The following BBS12 variants were observed in gnomAD, a reference collection of about 807,000 sequenced individuals.
BBS12 encodes chaperonin-containing T-complex member BBS12.
Under a neutral mutation model 5.6 loss-of-function variants are expected in BBS12, and 5 were observed. The ratio of observed to expected loss-of-function variants is 0.89; its 90% CI spans 0.46 to 1.86. The LOEUF (loss-of-function observed/expected upper bound fraction) is 1.86. Among genes scored for constraint, BBS12 ranks in the 40% most tolerant of loss-of-function variants. The pLI is 0.01. For synonymous variants in BBS12, 308 were observed against 306.8 expected (o/e 1.00, Z -0.04); for missense variants, 748 against 830.4 (o/e 0.90, Z 1.22).
chr4:122,716,680 T>TAC, the BBS12 span, among the ~76,000 whole-genome samples: 26 of 69,580 alleles, frequency 3.7e-4, no homozygotes, highest in Non-Finnish European at 4.2e-4. Flanking sequence ...TGTGTATATA[T>TAC]ACACATATGT....
At position 122,742,502 on chromosome 4, in the gene BBS12, A is replaced by G; in HGVS notation, c.610A>G (p.Thr204Ala). ...ATCATATGAATTATTTAAACCTCAG[A>G]CAAAGGTTGAAGCAGATAACAACAC... is the stretch of plus-strand genomic sequence containing the variant. ...LKSYELFKPQTKVEADNNTSR... is the reference protein window; with the variant it reads ...LKSYELFKPQAKVEADNNTSR... Residue 204 changes from threonine to alanine, a missense_variant, in exon 2 of 2, where the codon ACA (threonine) becomes GCA (alanine). Thr to Ala is a moderately conservative substitution (Grantham distance 58, BLOSUM62 0). Transcript: ENST00000314218. 1.9e-6 allele frequency: 3 copies of G among 1,614,106 alleles called. No homozygotes were observed. The highest frequency in any genetic ancestry group is 1.7e-6 in the Non-Finnish European group (2 of 1,179,982).
the BBS12 span, among the ~76,000 whole-genome samples, chr4:122,716,597 G>GTATATATACACATATGTATA: frequency 8.5e-6 from 1 of 117,974 alleles, no homozygotes; most frequent in African/African-American, 3.7e-5. Flanking sequence ...ACATATGTAT[G>GTATATATACACATATGTATA]TATACACACA....
chr4:122,705,875 T>A, the BBS12 span, among the ~76,000 whole-genome samples: 1 of 152,246 alleles, frequency 6.6e-6, no homozygotes, highest in African/African-American at 2.4e-5. Context: ...AATATTATAA[T>A]GTTTCCAGGC....
upstream of BBS12, chr4:122,732,164 T>C (rs1800705780): frequency 6.6e-6 from 1 of 152,280 alleles, no homozygotes; most frequent in South Asian, 2.1e-4. Flanking sequence ...TTTTCTTCCA[T>C]TGGTCTGAAC....
chr4:122,722,230 G>A, the BBS12 span, among the ~76,000 whole-genome samples: 70,044 of 151,958 alleles, frequency 0.46, 18,068 homozygotes, highest in African/African-American at 0.69. Flanking sequence ...ATCAAGTCAT[G>A]TAAGTATGGG....
the BBS12 span, among the ~76,000 whole-genome samples, chr4:122,714,801 C>CT: frequency 2.3e-4 from 35 of 152,074 alleles, no homozygotes; most frequent in African/African-American, 7.0e-4. Flanking sequence ...TAAAAGAATG[C>CT]TTATACATGC....
At chr4:122,707,054 C>CTCTTTTTTTTTTTTTTT in the BBS12 span, among the ~76,000 whole-genome samples, 1 of 72,250 alleles carries the variant, frequency 1.4e-5, no homozygotes, top group Non-Finnish European at 2.4e-5. Context: ...CTCTCTCTCT[C>CTCTTTTTTTTTTTTTTT]TTTTTTTTTT....
At chr4:122,721,281 A>T in the BBS12 span, among the ~76,000 whole-genome samples, 18 of 152,238 alleles carry the variant, frequency 1.2e-4, no homozygotes, top group Non-Finnish European at 2.4e-4. Flanking sequence ...AAAGACAAAA[A>T]ATAATAATTA....
At chr4:122,733,376 A>AAC (rs3034555) in intron 1 of BBS12, among the ~76,000 whole-genome samples, 8,044 of 87,906 alleles carry the variant, frequency 0.092, 572 homozygotes, top group Middle Eastern at 0.12. Flanking sequence ...CTCCAACCCC[A>AAC]ACACACACAC....
chr4:122,710,704 T>G, the BBS12 span, among the ~76,000 whole-genome samples: 6 of 128,452 alleles, frequency 4.7e-5, no homozygotes, highest in South Asian at 4.4e-4. Flanking sequence ...CATTTGTGCG[T>G]TTTTTTTTTT....
In BBS12 at chr4:122,743,197, C is replaced by T; in HGVS notation, c.1305C>T (p.Gly435=). 6.2e-7 allele frequency: 1 copy of T among 1,614,138 alleles called. No individual in the cohort carries two copies. Among genetic ancestry groups the T allele is most frequent in the Non-Finnish European group, 8.5e-7 (1 of 1,180,026 alleles). Reference sequence around the variant, plus strand: ...TAAACAGTAAGCGGTTGGTAATCGGCTCAGTGAATGGCAGTGTGATGCAGG... The same window carrying T: ...TAAACAGTAAGCGGTTGGTAATCGGTTCAGTGAATGGCAGTGTGATGCAGG... ...KCINSKRLVI[G]SVNGSVMQAF... is the part of the protein sequence containing the mutation. Residue 435 remains glycine (G), a synonymous_variant, in exon 2 of 2, where the codon GGC becomes GGT. Coordinates refer to ENST00000314218, the MANE Select transcript of BBS12 (RefSeq NM_152618.3).
the BBS12 span, among the ~76,000 whole-genome samples, chr4:122,725,927 A>T: frequency 2.7e-5 from 4 of 149,760 alleles, no homozygotes; most frequent in Non-Finnish European, 5.9e-5. Flanking sequence ...AAAAATCAAG[A>T]TGGATCAAGG....
At chr4:122,712,077 T>G in the BBS12 span, among the ~76,000 whole-genome samples, 1 of 152,210 alleles carries the variant, frequency 6.6e-6, no homozygotes, top group African/African-American at 2.4e-5. Context: ...ACCAGCAGTC[T>G]CCTAGGTGCT....
chr4:122,705,351 A>G, the BBS12 span, among the ~76,000 whole-genome samples: 2 of 152,206 alleles, frequency 1.3e-5, no homozygotes, highest in Non-Finnish European at 2.9e-5. Context: ...TCATGCGTGT[A>G]ATCCTAGCAC....
chr4:122,738,827 A>G (rs1800823935), intron 1 of BBS12, among the ~76,000 whole-genome samples: 1 of 152,258 alleles, frequency 6.6e-6, no homozygotes, highest in Non-Finnish European at 1.5e-5. Context: ...TAGGATATCT[A>G]TAATATTACA....
At chr4:122,736,696 T>C (rs1199110375) in intron 1 of BBS12, among the ~76,000 whole-genome samples, 2 of 152,186 alleles carry the variant, frequency 1.3e-5, no homozygotes, top group African/African-American at 4.8e-5. Flanking sequence ...GTCTGTGTAA[T>C]GCCAAGAAGA....
chr4:122,726,601 A>C, the BBS12 span, among the ~76,000 whole-genome samples: 1 of 152,190 alleles, frequency 6.6e-6, no homozygotes, highest in Non-Finnish European at 1.5e-5. Flanking sequence ...CATCATACAA[A>C]AAAGATACTT....
At position 122,742,953 on chromosome 4, in the gene BBS12, T is replaced by C; in HGVS notation, c.1061T>C (p.Val354Ala). ...PVIKELQNQP[V>A]RIVLIEGDLT... ...ATCAAGGAATTGCAGAATCAGCCTG[T>C]GCGAATAGTTCTCATTGAGGGTGAC... Residue 354 changes from valine to alanine, a missense_variant, in exon 2 of 2, where the codon GTG (valine) becomes GCG (alanine). Val to Ala is a moderately conservative substitution (Grantham distance 64). Transcript: ENST00000314218. The C allele has an allele frequency of 1.9e-6, 3 of 1,614,204 alleles. No individual in the cohort carries two copies. The highest frequency in any genetic ancestry group is 2.5e-6 in the Non-Finnish European group (3 of 1,180,010).
Position 122,742,598 on chromosome 4 carries a change from C to A in BBS12, c.706C>A (p.His236Asn). Reference protein sequence around the residue: ...CRQSILIHSRHFNRTDNTEGV... With the variant: ...CRQSILIHSRNFNRTDNTEGV... ...ACAGTCAATACTAATCCACAGTAGGCATTTTAATAGGACAGATAATACTGA... is the reference window on the plus strand; with the variant it reads ...ACAGTCAATACTAATCCACAGTAGGAATTTTAATAGGACAGATAATACTGA... Residue 236 changes from histidine (H) to asparagine (N), a missense_variant, in exon 2 of 2, where the codon CAT (histidine) becomes AAT (asparagine). Transcript: ENST00000314218. The A allele has an allele frequency of 6.2e-7, 1 of 1,614,210 alleles. No homozygotes were observed. The highest frequency in any genetic ancestry group is 8.5e-7 in the Non-Finnish European group (1 of 1,180,042).
Sources: allele counts gnomAD v4.1 joint callset (sites outside exome capture counted in the v4.1 genomes callset), GRCh38; gene constraint gnomAD v4.1.1; transcripts MANE v1.5; gene names NCBI Gene and HGNC (gene_info 2026-07-23, HGNC 2026-07-21).